The following NTM variants were observed in gnomAD, a reference collection of about 807,000 sequenced individuals.
The protein encoded by NTM is neurotrimin, also known as IgLON family member 2.
A neutral mutation model predicts 42.1 loss-of-function variants in NTM; 13 were observed. The observed-to-expected ratio is 0.31, with a 90% confidence interval of 0.20 to 0.49. The LOEUF (loss-of-function observed/expected upper bound fraction) is 0.49, where lower values mean the gene tolerates loss of function less well. Among genes scored for constraint, NTM ranks in the 20% least tolerant of loss-of-function variants. The pLI is 0.99. For missense variants in NTM, 373 were observed against 452.8 expected (o/e 0.82, Z 1.60); for synonymous variants, 187 against 179.2 (o/e 1.04, Z -0.35).
At chr11:131,873,217 T>C (rs892197871) in intron 1 of NTM, among the ~76,000 whole-genome samples, 6 of 151,924 alleles carry the variant, frequency 3.9e-5, no homozygotes, top group Admixed American at 6.6e-5. Context: ...TTCAGGAACA[T>C]GGATGAAGCT....
intron 1 of NTM, among the ~76,000 whole-genome samples, chr11:131,876,961 C>A (rs1352935599): frequency 6.6e-6 from 1 of 151,868 alleles, no homozygotes; most frequent in Non-Finnish European, 1.5e-5. Flanking sequence ...TGTGTTCAAG[C>A]AATTCTTGTG....
chr11:131,516,736 TG>T (rs747607671), intron 1 of NTM, among the ~76,000 whole-genome samples: 19 of 152,304 alleles, frequency 1.2e-4, no homozygotes, highest in Non-Finnish European at 2.6e-4. Flanking sequence ...AATTGGGCAT[TG>T]GAGGTGGAGG....
chr11:131,535,115 G>C (rs529325715), intron 1 of NTM: 1 of 152,242 alleles, frequency 6.6e-6, no homozygotes, highest in South Asian at 2.1e-4. Context: ...TTGTGTCTAG[G>C]GTGGTCCCGG....
At chr11:131,437,044 C>T (rs1371510647) in intron 1 of NTM, among the ~76,000 whole-genome samples, 3 of 152,162 alleles carry the variant, frequency 2.0e-5, no homozygotes, top group Non-Finnish European at 4.4e-5. Flanking sequence ...TTATTTTACA[C>T]AGTAGTCATT....
Position 131,784,290 on chromosome 11 carries a change from T to C in NTM, c.83-127274T>C, listed in dbSNP as rs538104316. Among the ~76,000 whole-genome samples the C allele has an allele frequency of 1.3e-4, 20 of 152,310 alleles. No homozygotes were observed. The South Asian group carries it at 3.7e-3, about 28-fold the overall frequency. On this transcript the variant is annotated intron_variant, in intron 1 of 8. Transcript: ENST00000683400. ...TGACCTAGTAATCTCTATGTATTTA[T>C]ATAAGAAAACGTTCATAGCAGTTTC... is the stretch of plus-strand genomic sequence containing the variant.
chr11:132,289,244 G>T (rs1220642375), intron 4 of NTM, among the ~76,000 whole-genome samples: 1 of 152,144 alleles, frequency 6.6e-6, no homozygotes, highest in South Asian at 2.1e-4. Context: ...AGTAATTTTT[G>T]ATTATATAGT....
At chr11:132,072,522 C>A (rs1416994384) in intron 2 of NTM, among the ~76,000 whole-genome samples, 2 of 152,016 alleles carry the variant, frequency 1.3e-5, no homozygotes, top group Non-Finnish European at 2.9e-5. Context: ...TAGTTGTGAA[C>A]CATGGGGAAA....
chr11:131,917,957 C>G (rs931642645), intron 2 of NTM, among the ~76,000 whole-genome samples: 11 of 152,226 alleles, frequency 7.2e-5, no homozygotes, highest in African/African-American at 2.7e-4. Context: ...TCACTGAAAG[C>G]TAGAGGAGGC....
intron 2 of NTM, among the ~76,000 whole-genome samples, chr11:131,997,616 T>A (rs1266859203): frequency 6.6e-6 from 1 of 152,232 alleles, no homozygotes; most frequent in Non-Finnish European, 1.5e-5. Flanking sequence ...GGAACACTTG[T>A]AATGATCTGA....
chr11:131,512,985 C>T (rs2048448729), intron 1 of NTM, among the ~76,000 whole-genome samples: 1 of 152,168 alleles, frequency 6.6e-6, no homozygotes, highest in African/African-American at 2.4e-5. Flanking sequence ...CGGGACATTT[C>T]CTCTTGTTCT....
At chr11:132,209,153 G>C (rs933564499) in intron 3 of NTM, among the ~76,000 whole-genome samples, 37 of 152,218 alleles carry the variant, frequency 2.4e-4, no homozygotes, top group Non-Finnish European at 4.4e-5. Context: ...CCAGAACTAA[G>C]AGAATTTAGA....
At chr11:132,318,969 C>A (rs1477368461) in intron 7 of NTM, among the ~76,000 whole-genome samples, 2 of 152,130 alleles carry the variant, frequency 1.3e-5, no homozygotes, top group African/African-American at 2.4e-5. Flanking sequence ...TGATGTACAG[C>A]ACCACAGCGA....
At chr11:132,230,599 C>T (rs2087327803) in intron 4 of NTM, among the ~76,000 whole-genome samples, 2 of 152,374 alleles carry the variant, frequency 1.3e-5, no homozygotes, top group East Asian at 1.9e-4. Context: ...GCCTTGCGCA[C>T]TTTGCCCACC....
chr11:131,796,119 C>T, intron 1 of NTM: 2 of 985,374 alleles, frequency 2.0e-6, no homozygotes, highest in Non-Finnish European at 2.4e-6. Flanking sequence ...GGGAACTGGC[C>T]ACAGGAAGTT....
chr11:131,426,148 G>A (rs1948115986), intron 1 of NTM, among the ~76,000 whole-genome samples: 2 of 152,198 alleles, frequency 1.3e-5, no homozygotes, highest in Admixed American at 1.3e-4. Context: ...ATTAGGCCAA[G>A]AGGTCATCTT....
At chr11:131,402,547 T>C (rs769034836) in intron 1 of NTM, among the ~76,000 whole-genome samples, 1 of 152,042 alleles carries the variant, frequency 6.6e-6, no homozygotes, top group Non-Finnish European at 1.5e-5. Context: ...ATGGGGCCTA[T>C]AGGAAAACAG....
At chr11:131,385,879 GAAC>G (rs1943257016) in intron 1 of NTM, among the ~76,000 whole-genome samples, 1 of 151,824 alleles carries the variant, frequency 6.6e-6, no homozygotes, top group South Asian at 2.1e-4. Context: ...AAATAAAACA[GAAC>G]AACATTAAAC....
intron 1 of NTM, among the ~76,000 whole-genome samples, chr11:131,493,851 T>C (rs1043090123): frequency 6.6e-6 from 1 of 152,234 alleles, no homozygotes; most frequent in Non-Finnish European, 1.5e-5. Flanking sequence ...GAACTCACTA[T>C]CATGTTCACA....
intron 2 of NTM, among the ~76,000 whole-genome samples, chr11:132,095,178 C>T (rs2060813719): frequency 6.6e-6 from 1 of 152,202 alleles, no homozygotes; most frequent in East Asian, 1.9e-4. Flanking sequence ...AGGCAGCTGT[C>T]TGCAGATCTG....
Sources: gnomAD v4.1 joint callset for allele counts (sites outside exome capture counted in the v4.1 genomes callset) on GRCh38, gnomAD v4.1.1 for gene constraint, MANE v1.5 for transcripts, NCBI Gene and HGNC (gene_info 2026-07-23, HGNC 2026-07-21) for gene names.